Variants in TMEM68 observed in about 807,000 individuals in gnomAD.
TMEM68 encodes the protein transmembrane protein 68, also known as DGAT1/2-independent enzyme synthesizing storage lipids.
A neutral mutation model predicts 36.9 loss-of-function variants in TMEM68; 25 were observed. That is an observed-to-expected ratio of 0.68 (90% CI 0.49 to 0.95). TMEM68 has a LOEUF of 0.95. Ranked by LOEUF, TMEM68 falls within the 40% of genes least tolerant of loss-of-function variation. TMEM68 has a pLI of 0.00. For synonymous variants in TMEM68, 131 were observed against 124.4 expected (o/e 1.05, Z -0.35); for missense variants, 333 against 392.0 (o/e 0.85, Z 1.27).
chr8:55,752,220 CAAA>C (rs929637161), intron 4 of TMEM68, among the ~76,000 whole-genome samples: 9 of 148,970 alleles, frequency 6.0e-5, no homozygotes, highest in Non-Finnish European at 1.0e-4. Flanking sequence ...AGAAAAAAAA[CAAA>C]AAACACTATG....
At chr8:55,743,689 A>T in intron 6 of TMEM68, 69 bp from the exon 7 acceptor site, 1 of 1,407,700 alleles carries the variant, frequency 7.1e-7, no homozygotes, top group South Asian at 1.4e-5. Flanking sequence ...AAACTTTCAA[A>T]TTAATTATGT....
Position 55,769,018 on chromosome 8 carries a change from T to TAAAAAAAAAAA in TMEM68, c.-115+4240_-115+4250dup, listed in dbSNP as rs200493179. On this transcript the variant is annotated intron_variant, in intron 1 of 7. Transcript: ENST00000434581. Reference sequence around the variant, plus strand: ...GTGAAAGAGCAAGAGACTCTGTCTTTAAAAAAAAAAAAAAAAAAAAAAAGG... The same window carrying TAAAAAAAAAAA: ...GTGAAAGAGCAAGAGACTCTGTCTTTAAAAAAAAAAAAAAAAAAAAAAAAAAAAAAAAAAGG... 6.7e-4 allele frequency among the ~76,000 whole-genome samples: 55 copies of TAAAAAAAAAAA among 82,092 alleles called. 3 individuals carry two copies. The highest frequency in any genetic ancestry group is 2.6e-3 in the African/African-American group (53 of 20,132). 53.9% of individuals were successfully genotyped at this position (82,092 alleles called of 152,430 possible). A position where few individuals can be genotyped will look rare whatever the true frequency, so the allele number is the denominator to read the frequency against.
chr8:55,771,539 C>A (rs1165871584), intron 1 of TMEM68, among the ~76,000 whole-genome samples: 2 of 152,082 alleles, frequency 1.3e-5, no homozygotes, highest in East Asian at 3.9e-4. Flanking sequence ...ATTGCTTGAG[C>A]CTGGGAGGTA....
At chr8:55,750,125 G>C (rs1442544934) in intron 5 of TMEM68, among the ~76,000 whole-genome samples, 1 of 152,050 alleles carries the variant, frequency 6.6e-6, no homozygotes, top group East Asian at 1.9e-4. Context: ...CTTTGATTAG[G>C]ATTTTAGTTT....
intron 3 of TMEM68, 93 bp downstream of exon 3, chr8:55,762,542 C>T: frequency 1.3e-6 from 2 of 1,575,782 alleles, no homozygotes; most frequent in Admixed American, 1.9e-5. Flanking sequence ...TTATATTTTT[C>T]AGTATCTTCT....
At chr8:55,762,433 T>C (rs1385594043) in intron 3 of TMEM68, 51 of 1,031,196 alleles carry the variant, frequency 4.9e-5, no homozygotes, top group Non-Finnish European at 6.6e-5. Flanking sequence ...CTTTGTTTAA[T>C]GGAAACCAAC....
chr8:55,758,302 C>T (rs1273250195), intron 3 of TMEM68, among the ~76,000 whole-genome samples: 1 of 152,190 alleles, frequency 6.6e-6, no homozygotes, highest in East Asian at 1.9e-4. Context: ...CCACCAATGG[C>T]CTGACAGATT....
chr8:55,749,902 G>A (rs2129940286), intron 5 of TMEM68, among the ~76,000 whole-genome samples: 1 of 152,046 alleles, frequency 6.6e-6, no homozygotes, highest in Non-Finnish European at 1.5e-5. Flanking sequence ...TAATTATCTG[G>A]AAACTCGAGG....
chr8:55,755,564 GC>G (rs1339906223), intron 4 of TMEM68, among the ~76,000 whole-genome samples: 1 of 148,696 alleles, frequency 6.7e-6, no homozygotes, highest in Non-Finnish European at 1.5e-5. Context: ...GAGCCACTGT[GC>G]CCAGCCAAGA....
rs1585701211 is a variant in TMEM68, at chr8:55,740,157, C to T, written c.950G>A (p.Ser317Asn). Residue 317 changes from serine to asparagine, a missense_variant, in exon 8 of 8, where the codon AGT becomes AAT. Ser to Asn is a conservative substitution (Grantham distance 46, BLOSUM62 1). Transcript: ENST00000434581. ...KHQRIPGNIM[S>N]ALLERFH ...TCAATGAAAACGTTCTAACAAAGCACTCATAATGTTTCCTGGTATTCTTTG... is the reference window on the plus strand; with the variant it reads ...TCAATGAAAACGTTCTAACAAAGCATTCATAATGTTTCCTGGTATTCTTTG... 1.2e-6 allele frequency: 2 copies of T among 1,613,410 alleles called. No homozygotes were observed. Among genetic ancestry groups the T allele is most frequent in the African/African-American group, 1.3e-5 (1 of 75,012 alleles).
chr8:55,755,171 C>G (rs1399425339), intron 4 of TMEM68, among the ~76,000 whole-genome samples: 1 of 151,038 alleles, frequency 6.6e-6, no homozygotes, highest in Admixed American at 6.7e-5. Context: ...AGTACTCAAT[C>G]TTATTGTTAT....
chr8:55,740,392 TG>T (rs1362890799), intron 7 of TMEM68, among the ~76,000 whole-genome samples, 174 bp from the exon 8 acceptor site: 1 of 152,188 alleles, frequency 6.6e-6, no homozygotes, highest in African/African-American at 2.4e-5. Context: ...CTCGAACTCC[TG>T]GGGCTCAAGC....
At chr8:55,771,745 G>A (rs951998588) in intron 1 of TMEM68, among the ~76,000 whole-genome samples, 9 of 152,290 alleles carry the variant, frequency 5.9e-5, no homozygotes, top group Non-Finnish European at 5.9e-5. Context: ...AAAAGATATA[G>A]TCACTGAAAA....
At chr8:55,759,464 G>A (rs1458304379) in intron 3 of TMEM68, among the ~76,000 whole-genome samples, 5 of 151,892 alleles carry the variant, frequency 3.3e-5, no homozygotes, top group African/African-American at 4.8e-5. Flanking sequence ...CCAGCTACTC[G>A]GGCGGCTCAG....
rs1410862185 is a variant in TMEM68, at chr8:55,754,586, A to G, written c.493+1658T>C. Among the ~76,000 whole-genome samples the G allele has an allele frequency of 4.4e-5, 6 of 136,552 alleles. No individual in the cohort carries two copies. The South Asian group carries it at 6.4e-4, about 15-fold the overall frequency. The allele number at this position is 136,552 out of a possible 152,430, so 89.6% of individuals were successfully genotyped here. A position where few individuals can be genotyped will look rare whatever the true frequency, so the allele number is the denominator to read the frequency against. ...ATTATATATTTATATTATATAAAAT[A>G]CATATATTATGTAATATATATTTAT... is the stretch of plus-strand genomic sequence containing the variant. On this transcript the variant is annotated intron_variant, in intron 4 of 7. Coordinates refer to ENST00000434581, the MANE Select transcript of TMEM68 (RefSeq NM_001286657.2).
Position 55,745,269 on chromosome 8 carries a change from A to C in TMEM68, c.688-148T>G. On this transcript the variant is annotated intron_variant, in intron 5 of 7. Coordinates refer to ENST00000434581, the MANE Select transcript of TMEM68 (RefSeq NM_001286657.2). ...CCCTGAACATGCCCAATCTCGTCTG[A>C]TCCCAGAAGCTAAGCAGGGTCGGGT... 3 of 426,928 alleles carry C rather than the reference A, an allele frequency of 7.0e-6. No individual in the cohort carries two copies. In the East Asian group the frequency reaches 1.1e-4, roughly 16 times the overall value. 26.4% of individuals were successfully genotyped at this position (426,928 alleles called of 1,614,324 possible).
At position 55,743,545 on chromosome 8, in the gene TMEM68, C is replaced by T. The variant is rs1434617524; in HGVS notation, c.824G>A (p.Arg275Gln). 1.1e-5 allele frequency: 17 copies of T among 1,535,760 alleles called. No homozygotes were observed. Among genetic ancestry groups the T allele is most frequent in the East Asian group, 4.9e-5 (2 of 40,912 alleles). The change falls in exon 7 of 8, where the codon CGG (arginine) becomes CAG (glutamine). Residue 275 changes from arginine (R) to glutamine (Q), a missense_variant. Physicochemically the swap from Arg to Gln is conservative, Grantham distance 43. Coordinates refer to ENST00000434581, the MANE Select transcript of TMEM68 (RefSeq NM_001286657.2). ...CGGAATGGGGTCGCCTAAATAGGTC[C>T]GTAACTTCACTGGAAAACCTCCATA... ...PMYGGFPVKL[R>Q]TYLGDPIPYD...
chr8:55,762,598 T>C (rs1810830376), intron 3 of TMEM68, 37 bp downstream of exon 3: 2 of 1,613,454 alleles, frequency 1.2e-6, no homozygotes, highest in Admixed American at 1.7e-5. Context: ...GCAGCACACA[T>C]GAATGGCAAC....
intron 3 of TMEM68, 138 bp downstream of exon 3, chr8:55,762,497 A>G: frequency 6.8e-7 from 1 of 1,478,386 alleles, no homozygotes; most frequent in Non-Finnish European, 9.0e-7. Flanking sequence ...CAATGCATGC[A>G]AACAGGTAAC....
Sources: gnomAD v4.1 joint callset for allele counts (sites outside exome capture counted in the v4.1 genomes callset) on GRCh38, gnomAD v4.1.1 for gene constraint, MANE v1.5 for transcripts, NCBI Gene and HGNC (gene_info 2026-07-23, HGNC 2026-07-21) for gene names.